Variants in NR2F1-AS1 observed in about 807,000 individuals in gnomAD.
NR2F1-AS1 encodes NR2F1 regulatory antisense RNA 1, also known as NR2F1 antisense RNA 1.
chr5:93,564,152 A>T (rs71639285), intron 1 of NR2F1-AS1, among the ~76,000 whole-genome samples: 1 of 122,116 alleles, frequency 8.2e-6, no homozygotes, highest in South Asian at 2.6e-4. Context: ...AAAAAAAAAC[A>T]CACAACTACC....
intron 1 of NR2F1-AS1, among the ~76,000 whole-genome samples, chr5:93,569,552 C>T (rs987528951): frequency 1.3e-5 from 2 of 152,116 alleles, no homozygotes; most frequent in African/African-American, 4.8e-5. Flanking sequence ...ATTGGTGAAC[C>T]TAATTGCTTC....
Position 93,469,609 on chromosome 5 carries a change from A to G in NR2F1-AS1, n.639-74067T>C, listed in dbSNP as rs1750323676. Among the ~76,000 whole-genome samples the G allele has an allele frequency of 2.0e-5, 3 of 152,070 alleles. No homozygotes were observed. In the South Asian group the frequency reaches 6.2e-4, roughly 31 times the overall value. ...GTTTGTAAGTTTTCTTAGGCTAGAA[A>G]CCAGATTATTTATCTTCCACAACAG... is the stretch of plus-strand genomic sequence containing the variant. On this transcript the variant is annotated intron_variant and non_coding_transcript_variant, in intron 4 of 5. Coordinates refer to ENST00000660523, the Ensembl canonical transcript of NR2F1-AS1.
At chr5:93,425,554 A>G (rs575096716) in intron 4 of NR2F1-AS1, among the ~76,000 whole-genome samples, 1 of 152,314 alleles carries the variant, frequency 6.6e-6, no homozygotes, top group East Asian at 1.9e-4. Context: ...CTGTTTTTAC[A>G]ATCAACCAAC....
At chr5:93,493,331 A>G (rs1750890639) in intron 4 of NR2F1-AS1, among the ~76,000 whole-genome samples, 1 of 152,118 alleles carries the variant, frequency 6.6e-6, no homozygotes, top group African/African-American at 2.4e-5. Flanking sequence ...CATTTAACCA[A>G]GGAAGTGAAA....
intron 1 of NR2F1-AS1, among the ~76,000 whole-genome samples, chr5:93,575,207 TG>T (rs1436973668): frequency 6.6e-6 from 1 of 152,172 alleles, no homozygotes; most frequent in Non-Finnish European, 1.5e-5. Context: ...GAACATGGGG[TG>T]GGGGGAGCAT....
intron 4 of NR2F1-AS1, among the ~76,000 whole-genome samples, chr5:93,510,408 T>C (rs951491921): frequency 2.6e-5 from 4 of 152,164 alleles, no homozygotes; most frequent in African/African-American, 9.6e-5. Flanking sequence ...CTGAAATCCA[T>C]ATTCCCTTAG....
At chr5:93,525,366 T>A (rs956592862) in intron 4 of NR2F1-AS1, among the ~76,000 whole-genome samples, 1 of 152,094 alleles carries the variant, frequency 6.6e-6, no homozygotes, top group African/African-American at 2.4e-5. Context: ...TAAAGCAAGT[T>A]CTTAGAGACC....
intron 4 of NR2F1-AS1, among the ~76,000 whole-genome samples, chr5:93,427,232 C>A (rs139655006): frequency 3.9e-5 from 6 of 152,078 alleles, no homozygotes; most frequent in Non-Finnish European, 2.9e-5. Flanking sequence ...AACTTTATAT[C>A]GCTTCTAAAG....
chr5:93,452,756 G>C (rs933836008), intron 4 of NR2F1-AS1, among the ~76,000 whole-genome samples: 4 of 152,126 alleles, frequency 2.6e-5, no homozygotes, highest in African/African-American at 9.7e-5. Flanking sequence ...TAGCAGTAAG[G>C]CTAACTTAGC....
chr5:93,568,733 A>G (rs1561509043), intron 1 of NR2F1-AS1, among the ~76,000 whole-genome samples: 1 of 152,160 alleles, frequency 6.6e-6, no homozygotes, highest in African/African-American at 2.4e-5. Flanking sequence ...TTTTTAATTC[A>G]ATGCATGGAT....
chr5:93,517,247 G>C (rs1344002950), intron 4 of NR2F1-AS1, among the ~76,000 whole-genome samples: 1 of 151,868 alleles, frequency 6.6e-6, no homozygotes, highest in African/African-American at 2.4e-5. Context: ...GCTGATGTAT[G>C]TTTGTGCTGG....
intron 4 of NR2F1-AS1, among the ~76,000 whole-genome samples, chr5:93,424,712 A>G (rs1417361782): frequency 6.6e-6 from 1 of 152,208 alleles, no homozygotes; most frequent in East Asian, 1.9e-4. Context: ...GATAGCAAAC[A>G]GACCAACTTC....
intron 4 of NR2F1-AS1, among the ~76,000 whole-genome samples, chr5:93,442,613 G>A (rs559155840): frequency 1.5e-4 from 23 of 152,338 alleles, no homozygotes; most frequent in Admixed American, 2.0e-4. Flanking sequence ...CACCTCTGGG[G>A]GTAGGGCATA....
chr5:93,555,200 G>A (rs903670772), intron 2 of NR2F1-AS1, among the ~76,000 whole-genome samples: 4 of 151,924 alleles, frequency 2.6e-5, no homozygotes, highest in African/African-American at 9.7e-5. Flanking sequence ...TTTCTACAAC[G>A]CCTAGCCGAA....
At chr5:93,525,104 C>T (rs558446186) in intron 4 of NR2F1-AS1, among the ~76,000 whole-genome samples, 2 of 152,066 alleles carry the variant, frequency 1.3e-5, no homozygotes, top group Non-Finnish European at 2.9e-5. Flanking sequence ...GTGCTGTATT[C>T]AGGAGACCCA....
intron 4 of NR2F1-AS1, among the ~76,000 whole-genome samples, chr5:93,546,993 T>C (rs1185387656): frequency 2.6e-5 from 4 of 152,180 alleles, no homozygotes; most frequent in Non-Finnish European, 5.9e-5. Flanking sequence ...CTGAGGGTCC[T>C]GGATGAGAAG....
chr5:93,411,339 C>T (rs1034009506), intron 4 of NR2F1-AS1: 3 of 152,230 alleles, frequency 2.0e-5, no homozygotes, highest in Non-Finnish European at 4.4e-5. Flanking sequence ...CTCTGCTGAA[C>T]CTTGCATAAC....
At chr5:93,560,198 T>C (rs904173931) in intron 2 of NR2F1-AS1, among the ~76,000 whole-genome samples, 2 of 152,208 alleles carry the variant, frequency 1.3e-5, no homozygotes, top group Non-Finnish European at 2.9e-5. Flanking sequence ...ATAATAGGGC[T>C]TTACTATTTT....
chr5:93,541,216 G>C (rs994300227), intron 4 of NR2F1-AS1, among the ~76,000 whole-genome samples: 2 of 152,172 alleles, frequency 1.3e-5, no homozygotes, highest in African/African-American at 4.8e-5. Flanking sequence ...GGTGAGAATG[G>C]TAAATACAAT....
Sources: gnomAD v4.1 joint callset for allele counts (sites outside exome capture counted in the v4.1 genomes callset) on GRCh38, gnomAD v4.1.1 for gene constraint, MANE v1.5 for transcripts, NCBI Gene and HGNC (gene_info 2026-07-23, HGNC 2026-07-21) for gene names.